Variants in SLC12A2 observed in about 807,000 individuals in gnomAD.
SLC12A2 encodes Na-K-2Cl cotransporter 1.
A neutral mutation model predicts 136.3 loss-of-function variants in SLC12A2; 67 were observed. That is an observed-to-expected ratio of 0.49 (90% CI 0.40 to 0.60). SLC12A2 has a LOEUF of 0.60. SLC12A2 is among the 20% of genes least tolerant of loss of function. SLC12A2 has a pLI of 0.00. For missense variants in SLC12A2, 1,322 were observed against 1,534.7 expected (o/e 0.86, Z 2.32); for synonymous variants, 619 against 562.9 (o/e 1.10, Z -1.41).
At chr5:128,135,142 G>A (rs1305677875) in intron 6 of SLC12A2, among the ~76,000 whole-genome samples, 1 of 152,030 alleles carries the variant, frequency 6.6e-6, no homozygotes, top group Non-Finnish European at 1.5e-5. Context: ...GGTTGAGAGT[G>A]GAGAAGGGGA....
rs1581143944 is a variant in SLC12A2, at chr5:128,182,794, G to A, written c.3213-61G>A. The A allele has an allele frequency of 3.0e-5, 35 of 1,149,016 alleles. No individual in the cohort carries two copies. The South Asian group carries it at 4.7e-4, about 15-fold the overall frequency. 71.2% of individuals were successfully genotyped at this position (1,149,016 alleles called of 1,614,324 possible). ...TATAAATCATGCTTTTTAGATATAT[G>A]GATTCAGCCCAATATAGAATGAAAA... On this transcript the variant is annotated intron_variant, in intron 23 of 26. Transcript: ENST00000262461.
intron 13 of SLC12A2, 57 bp from the exon 14 acceptor site, chr5:128,151,184 C>G (rs1762687962): frequency 7.5e-6 from 11 of 1,463,782 alleles, no homozygotes; most frequent in Admixed American, 2.1e-5. Flanking sequence ...TACATATGTA[C>G]CATTGTGTAA....
intron 4 of SLC12A2, among the ~76,000 whole-genome samples, chr5:128,122,391 G>A (rs1286751613): frequency 6.6e-6 from 1 of 152,176 alleles, no homozygotes; most frequent in Non-Finnish European, 1.5e-5. Context: ...GGTAATAATA[G>A]TAGCTATTAT....
At position 128,181,646 on chromosome 5, in the gene SLC12A2, C is replaced by T. The variant is rs117232730; in HGVS notation, c.3212+652C>T. 3.0e-3 allele frequency among the ~76,000 whole-genome samples: 458 copies of T among 152,218 alleles called. 2 individuals carry two copies. The highest frequency in any genetic ancestry group is 0.024 in the Admixed American group (368 of 15,282). ...GATTCCTCTACCCAAAATAGTTAAA[C>T]GACTTCTCTGCTACCTGCCATAGAA... On this transcript the variant is annotated intron_variant, in intron 23 of 26. Transcript: ENST00000262461.
At chr5:128,153,795 T>G (rs1396207521) in intron 15 of SLC12A2, among the ~76,000 whole-genome samples, 1 of 152,100 alleles carries the variant, frequency 6.6e-6, no homozygotes, top group Non-Finnish European at 1.5e-5. Flanking sequence ...TAATTGTTTA[T>G]TTTTTTGTTA....
At chr5:128,110,317 T>C in intron 1 of SLC12A2, 1 of 877,568 alleles carries the variant, frequency 1.1e-6, no homozygotes, top group Non-Finnish European at 2.0e-6. Context: ...CTGACTGTTT[T>C]AGAAACCATG....
At position 128,134,797 on chromosome 5, in the gene SLC12A2, G is replaced by A. The variant is rs182120827; in HGVS notation, c.1299+522G>A. On this transcript the variant is annotated intron_variant, in intron 6 of 26. Coordinates refer to ENST00000262461, the MANE Select transcript of SLC12A2 (RefSeq NM_001046.3). ...AGTGTTTTTGTCTCTTTGAGAATTA[G>A]AGCATCATAGCACAGCTGTAGTTTC... is the stretch of plus-strand genomic sequence containing the variant. Among the ~76,000 whole-genome samples the A allele has an allele frequency of 3.3e-5, 5 of 152,158 alleles. No individual in the cohort carries two copies. The East Asian group carries it at 7.7e-4, about 23-fold the overall frequency.
At chr5:128,140,388 A>G (rs1481206085) in intron 9 of SLC12A2, among the ~76,000 whole-genome samples, 1 of 152,224 alleles carries the variant, frequency 6.6e-6, no homozygotes, top group African/African-American at 2.4e-5. Flanking sequence ...ACACGGATGA[A>G]TATATATGCC....
At chr5:128,168,888 G>T (rs1001102265) in intron 18 of SLC12A2, 1 of 152,202 alleles carries the variant, frequency 6.6e-6, no homozygotes, top group Non-Finnish European at 1.5e-5. Context: ...CATGACCCAG[G>T]TATTGGGGAC....
intron 1 of SLC12A2, among the ~76,000 whole-genome samples, chr5:128,099,321 A>G (rs1325503458): frequency 6.6e-6 from 1 of 152,122 alleles, no homozygotes; most frequent in Non-Finnish European, 1.5e-5. Context: ...ATAGAAACCT[A>G]AACAGTAAAA....
chr5:128,152,882 C>A, intron 15 of SLC12A2, 77 bp downstream of exon 15: 1 of 889,168 alleles, frequency 1.1e-6, no homozygotes, highest in Non-Finnish European at 1.9e-6. Flanking sequence ...TTGACATTTT[C>A]ATGTACATTT....
chr5:128,175,767 T>G (rs1200744420), intron 20 of SLC12A2, among the ~76,000 whole-genome samples: 1 of 151,980 alleles, frequency 6.6e-6, no homozygotes, highest in Non-Finnish European at 1.5e-5. Context: ...CTAAATGCCT[T>G]TAACTTACTT....
intron 1 of SLC12A2, among the ~76,000 whole-genome samples, chr5:128,106,224 G>A (rs1561659934): frequency 1.3e-5 from 2 of 152,028 alleles, no homozygotes; most frequent in Non-Finnish European, 2.9e-5. Flanking sequence ...CATTAGTGTG[G>A]AATATACAGT....
chr5:128,177,209 C>G, intron 21 of SLC12A2, 57 bp downstream of exon 21: 1 of 1,230,940 alleles, frequency 8.1e-7, no homozygotes, highest in Non-Finnish European at 1.2e-6. Flanking sequence ...AACTCTTTAA[C>G]TCCAACCTTA....
rs775118655 is a variant in SLC12A2 at position 128,137,938 on chromosome 5, CT to C, written c.1409-645del. Among the ~76,000 whole-genome samples the C allele has an allele frequency of 1.2e-3, 172 of 141,738 alleles. 1 individual carries two copies. The highest frequency in any genetic ancestry group is 3.6e-3 in the Middle Eastern group (1 of 276). 93.0% of individuals were successfully genotyped at this position (141,738 alleles called of 152,430 possible). On this transcript the variant is annotated intron_variant, in intron 7 of 26. Transcript: ENST00000262461. ...TTATTATGATGTTGCTTTTGTTTTC[CT>C]TTTTTTTTTTTTTCTTGAGATGGGG...
intron 14 of SLC12A2, among the ~76,000 whole-genome samples, chr5:128,152,245 C>G (rs911902792): frequency 1.1e-4 from 16 of 152,222 alleles, no homozygotes; most frequent in African/African-American, 3.4e-4. Flanking sequence ...CCTATCAAGT[C>G]TATAAATTAA....
At position 128,084,192 on chromosome 5, in the gene SLC12A2, C is replaced by T; in HGVS notation, c.238C>T (p.Arg80Cys). ...CTTGGGGCCCACCCCGAGCCAGAGC[C>T]GTTTCCAGGTGGACCTGGTTTCCGA... Reference protein sequence around the residue: ...RPLGPTPSQSRFQVDLVSENA... With the variant: ...RPLGPTPSQSCFQVDLVSENA... Residue 80 changes from arginine to cysteine, a missense_variant, in exon 1 of 27, where the codon CGT becomes TGT. Coordinates refer to ENST00000262461, the MANE Select transcript of SLC12A2 (RefSeq NM_001046.3). The surrounding 1 kb of genome is among the most constrained non-coding windows in gnomAD (Gnocchi z 5.6). 7.7e-7 allele frequency: 1 copy of T among 1,291,686 alleles called. No homozygotes were observed. Among genetic ancestry groups the T allele is most frequent in the Non-Finnish European group, 9.7e-7 (1 of 1,028,498 alleles). The allele number at this position is 1,291,686 out of a possible 1,614,324, so 80.0% of individuals were successfully genotyped here. A position where few individuals can be genotyped will look rare whatever the true frequency, so the allele number is the denominator to read the frequency against.
intron 1 of SLC12A2, among the ~76,000 whole-genome samples, chr5:128,098,621 AATT>A (rs1404132063): frequency 2.0e-5 from 3 of 151,718 alleles, no homozygotes; most frequent in Non-Finnish European, 2.9e-5. Context: ...TTCTTCTGAA[AATT>A]ATTGTTGTTG....
Position 128,114,211 on chromosome 5 carries a change from G to A in SLC12A2, c.877-1G>A. ...GTCTTGGCCTCTTTTTCCCTCTTTA[G>A]GTACGTTGTATGTTAAACATTTGGG... is the stretch of plus-strand genomic sequence containing the variant. On this transcript the variant is annotated splice_acceptor_variant, in intron 2 of 26. Coordinates refer to ENST00000262461, the MANE Select transcript of SLC12A2 (RefSeq NM_001046.3). LOFTEE classifies it high-confidence loss of function. 6.2e-7 allele frequency: 1 copy of A among 1,610,846 alleles called. No individual in the cohort carries two copies. The highest frequency in any genetic ancestry group is 8.5e-7 in the Non-Finnish European group (1 of 1,177,778).
Sources: allele counts gnomAD v4.1 joint callset (sites outside exome capture counted in the v4.1 genomes callset), GRCh38; gene constraint gnomAD v4.1.1; non-coding constraint Gnocchi (gnomAD v3.1); transcripts MANE v1.5; gene names NCBI Gene and HGNC (gene_info 2026-07-23, HGNC 2026-07-21).